The following SLC17A9 variants were observed in gnomAD, a reference collection of about 807,000 sequenced individuals.
SLC17A9 encodes solute carrier family 17 member 9.
A neutral mutation model predicts 55.0 loss-of-function variants in SLC17A9; 49 were observed. The ratio of observed to expected loss-of-function variants is 0.89; its 90% CI spans 0.71 to 1.13. The LOEUF (loss-of-function observed/expected upper bound fraction) is 1.13, where lower values mean the gene tolerates loss of function less well. Among genes scored for constraint, SLC17A9 ranks in the 50% most tolerant of loss-of-function variants. The probability of loss-of-function intolerance (pLI) is 0.00; values close to 1 mark genes in which losing one functional copy is unlikely to be tolerated. For missense variants in SLC17A9, 526 were observed against 569.3 expected (o/e 0.92, Z 0.77); for synonymous variants, 256 against 247.4 (o/e 1.03, Z -0.32).
intron 4 of SLC17A9, among the ~76,000 whole-genome samples, chr20:62,961,994 C>T (rs8122511): frequency 0.025 from 3,754 of 152,290 alleles, 151 homozygotes; most frequent in African/African-American, 0.086. Flanking sequence ...CTCTCTCTTC[C>T]TCCTTTTGCC....
rs1444077360 is a variant in SLC17A9 at position 62,959,949 on chromosome 20, A to G, written c.398-555A>G. On this transcript the variant is annotated intron_variant, in intron 3 of 12. Coordinates refer to ENST00000370351, the MANE Select transcript of SLC17A9 (RefSeq NM_022082.4). ...GGTTTCCAAACTTCTAAAGCGGCTG[A>G]GAACACTTGGTCCAAAAGAAATCCT... Among the ~76,000 whole-genome samples, 4 of 152,238 alleles carry G rather than the reference A, an allele frequency of 2.6e-5. No individual in the cohort carries two copies. The South Asian group carries it at 6.2e-4, about 24-fold the overall frequency.
chr20:62,955,906 G>T (rs2065533145), intron 1 of SLC17A9, among the ~76,000 whole-genome samples: 1 of 152,224 alleles, frequency 6.6e-6, no homozygotes, highest in Non-Finnish European at 1.5e-5. Flanking sequence ...AGTGGAACCT[G>T]GCTGCAAATG....
At position 62,963,466 on chromosome 20, in the gene SLC17A9, G is replaced by A; in HGVS notation, c.725+97G>A. The A allele has an allele frequency of 2.6e-6, 4 of 1,511,796 alleles. No homozygotes were observed. In the South Asian group the frequency reaches 4.7e-5, roughly 18 times the overall value. The allele number at this position is 1,511,796 out of a possible 1,614,324, so 93.6% of individuals were successfully genotyped here. A position where few individuals can be genotyped will look rare whatever the true frequency, so the allele number is the denominator to read the frequency against. Reference sequence around the variant, plus strand: ...GACCTGACAGCCCTTGAGCCAGCAGGGCCTAGGGCTCAGAGAAGTGGGACT... The same window carrying A: ...GACCTGACAGCCCTTGAGCCAGCAGAGCCTAGGGCTCAGAGAAGTGGGACT... On this transcript the variant is annotated intron_variant, in intron 6 of 12. Transcript: ENST00000370351.
At chr20:62,953,420 G>A (rs1474045634) in intron 1 of SLC17A9, 23 of 980,110 alleles carry the variant, frequency 2.3e-5, no homozygotes, top group Middle Eastern at 6.3e-4. Context: ...TGGGCAGGTC[G>A]CCTGGCCACC....
In SLC17A9 at chr20:62,963,258, C is replaced by T. The variant is rs1171421021; in HGVS notation, c.629-15C>T. The T allele has an allele frequency of 8.7e-6, 14 of 1,612,394 alleles. No homozygotes were observed. The highest frequency in any genetic ancestry group is 1.2e-5 in the Non-Finnish European group (14 of 1,179,772). On this transcript the variant is annotated splice_polypyrimidine_tract_variant and intron_variant, in intron 5 of 12. Coordinates refer to ENST00000370351, the MANE Select transcript of SLC17A9 (RefSeq NM_022082.4). ...CGCCCTGATAGCCATCAGTTTGAAA[C>T]CGTTGCTCCCTCAGATCTCATCCTG...
chr20:62,965,491 C>G (rs552246302), intron 9 of SLC17A9, 119 bp from the exon 10 acceptor site: 3 of 949,812 alleles, frequency 3.2e-6, no homozygotes, highest in Admixed American at 4.1e-5. Flanking sequence ...AGTTTGTGGT[C>G]GCAGCCAACC....
intron 4 of SLC17A9, among the ~76,000 whole-genome samples, chr20:62,961,607 G>C (rs995839334): frequency 5.3e-5 from 8 of 152,206 alleles, no homozygotes; most frequent in African/African-American, 1.9e-4. Flanking sequence ...CTGAGGTTCA[G>C]AGGGGCGGAG....
Position 62,953,045 on chromosome 20 carries a change from T to G in SLC17A9, c.59+156T>G, listed in dbSNP as rs1484362382. On this transcript the variant is annotated intron_variant, in intron 1 of 12. Transcript: ENST00000370351. ...GGCCCCCTGTGTTCCTTGTGGGAGG[T>G]GGAAGGAAGTGAGTGCCCTGTCCTT... 2.6e-6 allele frequency: 3 copies of G among 1,172,424 alleles called. No homozygotes were observed. The African/African-American group carries it at 4.6e-5, about 18-fold the overall frequency. The allele number at this position is 1,172,424 out of a possible 1,614,324, so 72.6% of individuals were successfully genotyped here.
chr20:62,960,971 CGCAGGAGCGTCT>C (rs2065584628), intron 4 of SLC17A9, among the ~76,000 whole-genome samples: 1 of 152,226 alleles, frequency 6.6e-6, no homozygotes, highest in Non-Finnish European at 1.5e-5. Flanking sequence ...AGTCTGTGAG[CGCAGGAGCGTCT>C]GGGCCAGGGT....
chr20:62,953,280 G>A, intron 1 of SLC17A9: 2 of 1,548,916 alleles, frequency 1.3e-6, no homozygotes, highest in Non-Finnish European at 1.7e-6. Flanking sequence ...CAGGTAGGGG[G>A]CACGGGCTGG....
rs371868178 is a variant in SLC17A9, at chr20:62,968,721, C to T, written c.*1221C>T. 3 of 152,196 alleles carry T rather than the reference C, an allele frequency of 2.0e-5. No individual in the cohort carries two copies. Among genetic ancestry groups the T allele is most frequent in the African/African-American group, 7.2e-5 (3 of 41,448 alleles). The allele number at this position is 152,196 out of a possible 1,614,324, so 9.4% of individuals were successfully genotyped here. On this transcript the variant is annotated 3_prime_UTR_variant, in exon 13 of 13. Transcript: ENST00000370351. ...TCAGGTCAAAGGAGAATCCCAGGAA[C>T]GGACTCCTAGGCCGGGAGTGTTGAA...
At position 62,962,576 on chromosome 20, in the gene SLC17A9, C is replaced by T. The variant is rs769801715; in HGVS notation, c.498-48C>T. 1.2e-5 allele frequency: 20 copies of T among 1,604,036 alleles called. No homozygotes were observed. The East Asian group carries it at 1.3e-4, about 11-fold the overall frequency. On this transcript the variant is annotated intron_variant, in intron 4 of 12. Coordinates refer to ENST00000370351, the MANE Select transcript of SLC17A9 (RefSeq NM_022082.4). The surrounding 1 kb of genome is among the most constrained non-coding windows in gnomAD (Gnocchi z 5.5). The stretch of plus-strand genomic sequence containing the variant: ...GGTTTCTGAGAGGCCCCTCCTCACC[C>T]GAGGGGTGCCGCTGAGGGGCCTGGC...
At chr20:62,954,580 G>T (rs976515270) in intron 1 of SLC17A9, among the ~76,000 whole-genome samples, 2 of 151,790 alleles carry the variant, frequency 1.3e-5, no homozygotes, top group Non-Finnish European at 2.9e-5. Context: ...CCCGTCCCCC[G>T]CGCCCCCAGC....
At chr20:62,960,386 G>A in intron 3 of SLC17A9, 118 bp from the exon 4 acceptor site, 1 of 881,100 alleles carries the variant, frequency 1.1e-6, no homozygotes, top group Non-Finnish European at 1.8e-6. Flanking sequence ...CTCGGGTGGG[G>A]AGGTGAGCTA....
intron 8 of SLC17A9, among the ~76,000 whole-genome samples, chr20:62,964,575 T>C (rs963452710): frequency 1.3e-5 from 2 of 152,070 alleles, no homozygotes; most frequent in Non-Finnish European, 2.9e-5. Context: ...CCTGGAGGGG[T>C]CAGAGGTTAC....
chr20:62,957,373 C>T, intron 2 of SLC17A9, 68 bp from the exon 3 acceptor site: 1 of 1,517,926 alleles, frequency 6.6e-7, no homozygotes, highest in Non-Finnish European at 8.8e-7. Context: ...CAAGGGCTGC[C>T]CTGAGTCAGG....
intron 1 of SLC17A9, chr20:62,953,378 C>T (rs937458624): frequency 4.4e-5 from 60 of 1,368,022 alleles, no homozygotes; most frequent in Non-Finnish European, 5.6e-5. Flanking sequence ...CTTCAGCTCT[C>T]GGAGCATTTG....
At position 62,969,068 on chromosome 20, in the gene SLC17A9, C is replaced by G. The variant is rs914431044; in HGVS notation, c.*1568C>G. On this transcript the variant is annotated 3_prime_UTR_variant, in exon 13 of 13. Transcript: ENST00000370351. ...GGACTGCTGGACGCTGCTGTGGGGT[C>G]TTGGGGCAGGAGGGGCTTCCAGAAG... 1 of 152,242 alleles carries G rather than the reference C, an allele frequency of 6.6e-6. No individual in the cohort carries two copies. Among genetic ancestry groups the G allele is most frequent in the African/African-American group, 2.4e-5 (1 of 41,438 alleles). The allele number at this position is 152,242 out of a possible 1,614,324, so 9.4% of individuals were successfully genotyped here. A position where few individuals can be genotyped will look rare whatever the true frequency, so the allele number is the denominator to read the frequency against.
At position 62,958,610 on chromosome 20, in the gene SLC17A9, C is replaced by T. The variant is rs2065562734; in HGVS notation, c.397+1030C>T. Among the ~76,000 whole-genome samples, 2 of 152,034 alleles carry T rather than the reference C, an allele frequency of 1.3e-5. No homozygotes were observed. Among genetic ancestry groups the T allele is most frequent in the African/African-American group, 2.4e-5 (1 of 41,386 alleles). ...GGCCATCCAGACCCCCCACTCAGGA[C>T]TCCCCCTACCTTCCTGAGCCGGCAT... On this transcript the variant is annotated intron_variant, in intron 3 of 12. Coordinates refer to ENST00000370351, the MANE Select transcript of SLC17A9 (RefSeq NM_022082.4). The surrounding 1 kb of genome is among the most constrained non-coding windows in gnomAD (Gnocchi z 4.1).
Sources: gnomAD v4.1 joint callset for allele counts (sites outside exome capture counted in the v4.1 genomes callset) on GRCh38, gnomAD v4.1.1 for gene constraint, Gnocchi (gnomAD v3.1) non-coding constraint, MANE v1.5 for transcripts, NCBI Gene and HGNC (gene_info 2026-07-23, HGNC 2026-07-21) for gene names.